SESN1: variants seen among roughly 807,000 people sequenced by gnomAD.
SESN1 encodes the protein sestrin 1, also known as sestrin-1.
In SESN1, 30 loss-of-function variants were observed where a neutral mutation model predicts 59.3. The ratio of observed to expected loss-of-function variants is 0.51; its 90% CI spans 0.38 to 0.69. SESN1 has a LOEUF of 0.69. Among genes scored for constraint, SESN1 ranks in the 30% least tolerant of loss-of-function variants. The pLI, the probability that SESN1 is intolerant of heterozygous loss-of-function variation, is 0.00. For missense variants in SESN1, 566 were observed against 673.0 expected (o/e 0.84, Z 1.76); for synonymous variants, 197 against 219.9 (o/e 0.90, Z 0.92).
intron 1 of SESN1, among the ~76,000 whole-genome samples, chr6:109,078,898 C>A (rs1781073843): frequency 6.6e-6 from 1 of 152,038 alleles, no homozygotes; most frequent in Admixed American, 6.6e-5. Context: ...AGGAGCTAAT[C>A]ATAATTTAGT....
chr6:108,991,703 ACTT>A (rs1779388845), intron 7 of SESN1, among the ~76,000 whole-genome samples: 1 of 152,096 alleles, frequency 6.6e-6, no homozygotes, highest in South Asian at 2.1e-4. Context: ...ATAAGCCCCT[ACTT>A]CTTTGTTGCT....
chr6:108,990,029 A>C (rs1414988055), intron 8 of SESN1, among the ~76,000 whole-genome samples: 1 of 152,210 alleles, frequency 6.6e-6, no homozygotes, highest in Non-Finnish European at 1.5e-5. Flanking sequence ...GTAGGTTTTG[A>C]CCAGAGTCTC....
rs12332941 is a variant in SESN1 at position 109,046,382 on chromosome 6, G to T, written c.280-44039C>A. Among the ~76,000 whole-genome samples, 4 of 151,576 alleles carry T rather than the reference G, an allele frequency of 2.6e-5. No individual in the cohort carries two copies. The East Asian group carries it at 7.7e-4, about 29-fold the overall frequency. ...TTGCAGACGGAGTCTCGTTCACTCAGTGCTCAATGGTGCCCAGGCTGGAGT... is the reference window on the plus strand; with the variant it reads ...TTGCAGACGGAGTCTCGTTCACTCATTGCTCAATGGTGCCCAGGCTGGAGT... On this transcript the variant is annotated intron_variant, in intron 1 of 9. Coordinates refer to ENST00000436639, the MANE Select transcript of SESN1 (RefSeq NM_014454.3).
intron 1 of SESN1, among the ~76,000 whole-genome samples, chr6:109,030,772 T>C (rs942704934): frequency 2.6e-5 from 4 of 152,198 alleles, no homozygotes; most frequent in Non-Finnish European, 5.9e-5. Context: ...TAATTTCCCA[T>C]AGAGTGACTT....
At chr6:108,997,659 A>T (rs1489582252) in intron 5 of SESN1, among the ~76,000 whole-genome samples, 1 of 152,218 alleles carries the variant, frequency 6.6e-6, no homozygotes. Context: ...GAGATTCAGT[A>T]ACTTGCCCGA....
At chr6:109,084,613 G>T (rs1389085350) in intron 1 of SESN1, among the ~76,000 whole-genome samples, 2 of 151,914 alleles carry the variant, frequency 1.3e-5, no homozygotes, top group Non-Finnish European at 2.9e-5. Flanking sequence ...TAAAAGCTTA[G>T]GAATTGTCCT....
chr6:109,032,259 C>T (rs1376745207), intron 1 of SESN1, among the ~76,000 whole-genome samples: 1 of 150,222 alleles, frequency 6.7e-6, no homozygotes, highest in Non-Finnish European at 1.5e-5. Context: ...GCAACAAGAG[C>T]GAAACTCTGC....
At chr6:109,011,853 T>C (rs1779864577) in intron 1 of SESN1, among the ~76,000 whole-genome samples, 1 of 152,114 alleles carries the variant, frequency 6.6e-6, no homozygotes, top group African/African-American at 2.4e-5. Context: ...GGTCTCAAAT[T>C]CCTGGACTCA....
At chr6:109,009,303 C>A in intron 1 of SESN1, 1 of 1,412,320 alleles carries the variant, frequency 7.1e-7, no homozygotes, top group Non-Finnish European at 9.3e-7. Context: ...GGCAGCTCGG[C>A]CGGGTGCCCA....
At chr6:109,022,050 T>A (rs74888413) in intron 1 of SESN1, among the ~76,000 whole-genome samples, 1 of 120,820 alleles carries the variant, frequency 8.3e-6, no homozygotes, top group East Asian at 2.2e-4. Flanking sequence ...GTGCCAGGCA[T>A]TTTTTTTTTT....
Position 109,094,385 on chromosome 6 carries a change from G to T in SESN1, c.-312C>A. On this transcript the variant is annotated 5_prime_UTR_variant, in exon 1 of 10. Transcript: ENST00000436639. ...GGGAAGCGTTCTCCTCCGTCTCGCG[G>T]GGTCAGTGGATATCCTCACGTTGTG... 2.6e-6 allele frequency: 1 copy of T among 390,326 alleles called. No individual in the cohort carries two copies. Among genetic ancestry groups the T allele is most frequent in the South Asian group, 2.9e-5 (1 of 34,982 alleles). 24.2% of individuals were successfully genotyped at this position (390,326 alleles called of 1,614,324 possible). A position where few individuals can be genotyped will look rare whatever the true frequency, so the allele number is the denominator to read the frequency against.
intron 1 of SESN1, among the ~76,000 whole-genome samples, chr6:109,082,316 AG>A (rs1781134983): frequency 1.3e-5 from 2 of 152,076 alleles, no homozygotes; most frequent in Admixed American, 6.5e-5. Context: ...TAGAGGAAGG[AG>A]GCAGAATAGA....
Position 108,998,671 on chromosome 6 carries a change from CA to C in SESN1, c.813del (p.Ala272ProfsTer54). Reference protein sequence around the residue: ...AVVLLTHYHSLASFTFGCGIS... With the variant: ...AVVLLTHYHSXASFTFGCGIS... ...ATTCCACAGCCGAATGTGAATGAGG[CA>C]AGAGAATGATAGTGTGTGAGTAAAA... On this transcript the variant is annotated frameshift_variant, in exon 5 of 10. Transcript: ENST00000436639. LOFTEE classifies it high-confidence loss of function. 6.2e-7 allele frequency: 1 copy of C among 1,613,368 alleles called. No individual in the cohort carries two copies. Among genetic ancestry groups the C allele is most frequent in the Non-Finnish European group, 8.5e-7 (1 of 1,179,772 alleles).
chr6:108,997,569 G>C (rs1217024102), intron 5 of SESN1, among the ~76,000 whole-genome samples: 3 of 152,062 alleles, frequency 2.0e-5, no homozygotes, highest in Admixed American at 1.3e-4. Context: ...GCTGTACTTG[G>C]CATTTTACTT....
chr6:109,025,263 G>A lies in SESN1; in HGVS notation c.280-22920C>T, dbSNP rs371644482. On this transcript the variant is annotated intron_variant, in intron 1 of 9. Coordinates refer to ENST00000436639, the MANE Select transcript of SESN1 (RefSeq NM_014454.3). ...CCCTGAATATTCATAAACACAAGGT[G>A]GATCACACATAAGGAGGTGGGGGAT... Among the ~76,000 whole-genome samples the A allele has an allele frequency of 2.6e-5, 4 of 151,838 alleles. No homozygotes were observed. The East Asian group carries it at 5.8e-4, about 22-fold the overall frequency.
chr6:109,033,971 T>G (rs1448064825), intron 1 of SESN1, among the ~76,000 whole-genome samples: 1 of 152,158 alleles, frequency 6.6e-6, no homozygotes, highest in Middle Eastern at 3.2e-3. Flanking sequence ...CAAGGATAAA[T>G]TAAATCTCTC....
At chr6:109,069,479 A>G (rs912187849) in intron 1 of SESN1, among the ~76,000 whole-genome samples, 2 of 152,204 alleles carry the variant, frequency 1.3e-5, no homozygotes, top group African/African-American at 4.8e-5. Context: ...CTGTAACAAA[A>G]TCTGAGGTAA....
At chr6:109,014,319 A>C (rs1779901607) in intron 1 of SESN1, among the ~76,000 whole-genome samples, 1 of 152,242 alleles carries the variant, frequency 6.6e-6, no homozygotes, top group Non-Finnish European at 1.5e-5. Context: ...TGTATCAGAC[A>C]CAACACTTTA....
intron 1 of SESN1, among the ~76,000 whole-genome samples, chr6:109,041,854 A>C (rs1780348610): frequency 6.6e-6 from 1 of 152,210 alleles, no homozygotes. Flanking sequence ...AACAGGATGT[A>C]ATCAACATTT....
Sources: gnomAD v4.1 joint callset for allele counts (sites outside exome capture counted in the v4.1 genomes callset) on GRCh38, gnomAD v4.1.1 for gene constraint, MANE v1.5 for transcripts, NCBI Gene and HGNC (gene_info 2026-07-23, HGNC 2026-07-21) for gene names.